ZNF706: variants seen among roughly 807,000 people sequenced by gnomAD.
ZNF706 encodes the protein transcriptional regulator ZNF706.
ZNF706 carries 4 observed loss-of-function variants against 9.2 expected under a neutral mutation model. The ratio of observed to expected loss-of-function variants is 0.43; its 90% CI spans 0.21 to 0.99. The LOEUF (loss-of-function observed/expected upper bound fraction) is 0.99, where lower values mean the gene tolerates loss of function less well. Among genes scored for constraint, ZNF706 ranks in the 50% least tolerant of loss-of-function variants. The pLI, the probability that ZNF706 is intolerant of heterozygous loss-of-function variation, is 0.26. For synonymous variants in ZNF706, 28 were observed against 27.3 expected (o/e 1.03, Z -0.08); for missense variants, 27 against 87.8 (o/e 0.31, Z 2.77).
chr8:101,200,053 G>A lies in ZNF706; in HGVS notation c.180C>T (p.Ser60=). Residue 60 remains serine, a synonymous_variant, in exon 3 of 4, where the codon AGC becomes AGT. Transcript: ENST00000311212. ...GAGGAAGTGGAGTCTTAGGATGCTT[G>A]CTCTCAAAGTGCTGCTTGAAGGTCT... is the stretch of plus-strand genomic sequence containing the variant. ...DPKTFKQHFE[S]KHPKTPLPPE... is the part of the protein sequence containing the mutation. 6.2e-7 allele frequency: 1 copy of A among 1,612,316 alleles called. No individual in the cohort carries two copies. The highest frequency in any genetic ancestry group is 8.5e-7 in the Non-Finnish European group (1 of 1,179,656).
chr8:101,204,139 T>G (rs1451443871), intron 1 of ZNF706: 4 of 152,258 alleles, frequency 2.6e-5, no homozygotes, highest in Non-Finnish European at 5.9e-5. Context: ...TCAAAAATGG[T>G]AAGCCACTAA....
chr8:101,201,870 G>C lies in ZNF706; in HGVS notation c.-2-127C>G. The C allele has an allele frequency of 9.9e-7, 1 of 1,014,430 alleles. No homozygotes were observed. The highest frequency in any genetic ancestry group is 1.4e-6 in the Non-Finnish European group (1 of 712,722). The allele number at this position is 1,014,430 out of a possible 1,614,324, so 62.8% of individuals were successfully genotyped here. ...AATATCTGGCAAATAAAAATTTATA[G>C]GTATTAAAATTCCCACATATAAATG... On this transcript the variant is annotated intron_variant, in intron 1 of 3. Coordinates refer to ENST00000311212, the MANE Select transcript of ZNF706 (RefSeq NM_016096.5). This position sits in a 1 kb window ranked among gnomAD's most constrained non-coding sequence, Gnocchi z 4.5.
At chr8:101,203,076 G>A (rs1810621917) in intron 1 of ZNF706, 1 of 152,020 alleles carries the variant, frequency 6.6e-6, no homozygotes, top group South Asian at 2.1e-4. Flanking sequence ...GTTCCCATTT[G>A]AGGGAATGAA....
upstream of ZNF706, chr8:101,205,874 GT>G (rs1296312958): frequency 6.6e-6 from 1 of 152,148 alleles, no homozygotes; most frequent in African/African-American, 2.4e-5. The surrounding 1 kb of genome is among the most constrained non-coding windows in gnomAD (Gnocchi z 6.6). Context: ...GTCGCCTTCT[GT>G]CCCCAGGCGC....
At chr8:101,200,336 C>T in intron 2 of ZNF706, 1 of 352,344 alleles carries the variant, frequency 2.8e-6, no homozygotes, top group Non-Finnish European at 5.3e-6. Flanking sequence ...ATCTGATTAA[C>T]AGCAAACAAT....
rs1016190833 is a variant in ZNF706 at position 101,199,096 on chromosome 8, T to G, written c.*156A>C. On this transcript the variant is annotated 3_prime_UTR_variant, in exon 4 of 4. Coordinates refer to ENST00000311212, the MANE Select transcript of ZNF706 (RefSeq NM_016096.5). ...ACATTTACACAGAATTGTCTTTGCA[T>G]GAAGCCCAAGAGGGAACAGCATAAA... 7.3e-6 allele frequency: 4 copies of G among 544,968 alleles called. No individual in the cohort carries two copies. The African/African-American group carries it at 7.5e-5, about 10-fold the overall frequency. The allele number at this position is 544,968 out of a possible 1,614,324, so 33.8% of individuals were successfully genotyped here. A position where few individuals can be genotyped will look rare whatever the true frequency, so the allele number is the denominator to read the frequency against.
At position 101,198,814 on chromosome 8, in the gene ZNF706, C is replaced by G. The variant is rs1243273814; in HGVS notation, c.*438G>C. The G allele has an allele frequency of 6.3e-6, 1 of 159,184 alleles. No homozygotes were observed. The highest frequency in any genetic ancestry group is 1.4e-5 in the Non-Finnish European group (1 of 72,568). 9.9% of individuals were successfully genotyped at this position (159,184 alleles called of 1,614,324 possible). On this transcript the variant is annotated 3_prime_UTR_variant, in exon 4 of 4. Transcript: ENST00000311212. ...TCTAGTTTAACTGAGGAACCTGCCA[C>G]TGAGCAGAGAAAGGGATATAAGAAT...
intron 1 of ZNF706, chr8:101,202,619 G>C (rs1810603521): frequency 6.6e-6 from 1 of 152,090 alleles, no homozygotes; most frequent in East Asian, 1.9e-4. Context: ...GGGGGTTATG[G>C]GTAATGACTG....
rs1810557062 is a variant in ZNF706 at position 101,201,585 on chromosome 8, C to G, written c.135+22G>C. The stretch of plus-strand genomic sequence containing the variant: ...AAAACTGCCCACGGGAGAGCTGTAT[C>G]TTTCAATTCAATTCCCCTTACCCTA... On this transcript the variant is annotated intron_variant, in intron 2 of 3. Transcript: ENST00000311212. This position sits in a 1 kb window ranked among gnomAD's most constrained non-coding sequence, Gnocchi z 4.5. 4 of 1,605,682 alleles carry G rather than the reference C, an allele frequency of 2.5e-6. No homozygotes were observed. The Admixed American group carries it at 6.8e-5, about 27-fold the overall frequency.
intron 1 of ZNF706, chr8:101,204,021 A>C (rs1054719961): frequency 7.9e-5 from 12 of 152,222 alleles, no homozygotes; most frequent in Non-Finnish European, 1.3e-4. Context: ...GGACCTTGTA[A>C]CAAAATAGCC....
chr8:101,206,216 C>A (rs1810768351), upstream of ZNF706: 1 of 152,390 alleles, frequency 6.6e-6, no homozygotes, highest in Admixed American at 6.5e-5. Context: ...GCGGACCCAG[C>A]GGCTCTGAAC....
At chr8:101,205,897 G>A (rs1248366555), upstream of ZNF706, 2 of 152,336 alleles carry the variant, frequency 1.3e-5, no homozygotes, top group Admixed American at 1.3e-4. This position sits in a 1 kb window ranked among gnomAD's most constrained non-coding sequence, Gnocchi z 6.6. Context: ...CCTCCTCTCC[G>A]GCGCGCTCGG....
At chr8:101,203,654 G>A (rs1393454215) in intron 1 of ZNF706, 6 of 152,004 alleles carry the variant, frequency 3.9e-5, no homozygotes, top group African/African-American at 1.4e-4. Flanking sequence ...GAAATATGGG[G>A]TTTTTATATT....
rs1810466343 is a variant in ZNF706 at position 101,199,091 on chromosome 8, T to A, written c.*161A>T. 1.9e-6 allele frequency: 1 copy of A among 540,400 alleles called. No homozygotes were observed. Among genetic ancestry groups the A allele is most frequent in the African/African-American group, 1.9e-5 (1 of 53,076 alleles). The allele number at this position is 540,400 out of a possible 1,614,324, so 33.5% of individuals were successfully genotyped here. ...ACTGTACATTTACACAGAATTGTCT[T>A]TGCATGAAGCCCAAGAGGGAACAGC... On this transcript the variant is annotated 3_prime_UTR_variant, in exon 4 of 4. Transcript: ENST00000311212.
At position 101,201,589 on chromosome 8, in the gene ZNF706, C is replaced by T; in HGVS notation, c.135+18G>A. On this transcript the variant is annotated intron_variant, in intron 2 of 3. Coordinates refer to ENST00000311212, the MANE Select transcript of ZNF706 (RefSeq NM_016096.5). This position sits in a 1 kb window ranked among gnomAD's most constrained non-coding sequence, Gnocchi z 4.5. The stretch of plus-strand genomic sequence containing the variant: ...CTGCCCACGGGAGAGCTGTATCTTT[C>T]AATTCAATTCCCCTTACCCTACAGA... 6.2e-7 allele frequency: 1 copy of T among 1,607,006 alleles called. No homozygotes were observed. Among genetic ancestry groups the T allele is most frequent in the Non-Finnish European group, 8.5e-7 (1 of 1,177,786 alleles).
At position 101,198,184 on chromosome 8, in the gene ZNF706, T is replaced by C. The variant is rs1586263609; in HGVS notation, c.*1068A>G. The C allele has an allele frequency of 6.6e-6, 1 of 152,264 alleles. No homozygotes were observed. Among genetic ancestry groups the C allele is most frequent in the East Asian group, 1.9e-4 (1 of 5,188 alleles). 9.4% of individuals were successfully genotyped at this position (152,264 alleles called of 1,614,324 possible). Reference sequence around the variant, plus strand: ...TTGACCCATTTTAATACTTTTCAAGTTCAGATGGAAGTCATACTGTACACC... The same window carrying C: ...TTGACCCATTTTAATACTTTTCAAGCTCAGATGGAAGTCATACTGTACACC... On this transcript the variant is annotated 3_prime_UTR_variant, in exon 4 of 4. Transcript: ENST00000311212.
chr8:101,204,945 C>T, intron 1 of ZNF706: 3 of 985,532 alleles, frequency 3.0e-6, no homozygotes, highest in Non-Finnish European at 3.6e-6. Flanking sequence ...GGAACGCACC[C>T]ACAGTGAGGT....
At chr8:101,206,112 G>A (rs1266731283), upstream of ZNF706, 3 of 152,250 alleles carry the variant, frequency 2.0e-5, no homozygotes, top group Admixed American at 2.0e-4. Context: ...CTGAGGCGCT[G>A]GCCCGGGAGC....
At chr8:101,202,757 A>G (rs1307463465) in intron 1 of ZNF706, 1 of 152,202 alleles carries the variant, frequency 6.6e-6, no homozygotes, top group Non-Finnish European at 1.5e-5. Context: ...AATCTTCACA[A>G]GTTTACTAAA....
Sources: gnomAD v4.1 joint callset for allele counts on GRCh38, gnomAD v4.1.1 for gene constraint, Gnocchi (gnomAD v3.1) non-coding constraint, MANE v1.5 for transcripts, NCBI Gene and HGNC (gene_info 2026-07-23, HGNC 2026-07-21) for gene names.